PSD3: variants seen among roughly 807,000 people sequenced by gnomAD.
PSD3 encodes PH and SEC7 domain-containing protein 3.
PSD3 carries 49 observed loss-of-function variants against 105.5 expected under a neutral mutation model. The observed-to-expected ratio is 0.46, with a 90% CI of 0.37 to 0.59. The LOEUF (loss-of-function observed/expected upper bound fraction) is 0.59, where lower values mean the gene tolerates loss of function less well. PSD3 is among the 20% of genes least tolerant of loss of function. The pLI is 0.00. For missense variants in PSD3, 1,561 were observed against 1,263.8 expected, an observed-to-expected ratio of 1.24 and a Z score of -3.57; for synonymous variants, 557 against 457.8, an observed-to-expected ratio of 1.22 and a Z score of -2.77.
At chr8:18,870,593 T>C (rs1817264324) in intron 3 of PSD3, among the ~76,000 whole-genome samples, 1 of 151,546 alleles carries the variant, frequency 6.6e-6, no homozygotes, top group South Asian at 2.1e-4. Context: ...GACGGGTTGA[T>C]GGGTGCAGCA....
At chr8:18,801,445 G>C (rs998817083) in intron 6 of PSD3, 63 bp from the exon 7 acceptor site, 3 of 860,748 alleles carry the variant, frequency 3.5e-6, no homozygotes, top group African/African-American at 1.7e-5. Flanking sequence ...CTCTTTCATA[G>C]TTAAAAGTCA....
intron 8 of PSD3, among the ~76,000 whole-genome samples, chr8:18,770,890 G>A (rs1466249906): frequency 6.6e-6 from 1 of 152,200 alleles, no homozygotes; most frequent in Admixed American, 6.5e-5. Context: ...AAAAGAGGTT[G>A]CACAAACAAA....
At chr8:18,905,017 G>C (rs1484952880) in intron 2 of PSD3, among the ~76,000 whole-genome samples, 1 of 152,044 alleles carries the variant, frequency 6.6e-6, no homozygotes, top group East Asian at 1.9e-4. Flanking sequence ...TTAAAATATA[G>C]CAAATACATA....
intron 9 of PSD3, among the ~76,000 whole-genome samples, chr8:18,706,512 T>C (rs909991301): frequency 1.3e-5 from 2 of 152,240 alleles, no homozygotes; most frequent in African/African-American, 4.8e-5. Flanking sequence ...CATTGTTCAC[T>C]ATTTGTCAGC....
intron 8 of PSD3, chr8:18,774,873 C>A: frequency 2.2e-6 from 1 of 456,194 alleles, no homozygotes; most frequent in South Asian, 1.5e-5. Flanking sequence ...CTTAGCAGCT[C>A]CTCTTCCTTC....
Position 19,076,420 on chromosome 8 carries a change from G to A in PSD3, c.324+7786C>T, listed in dbSNP as rs151258934. 4.5e-4 allele frequency among the ~76,000 whole-genome samples: 69 copies of A among 152,058 alleles called. No individual in the cohort carries two copies. The East Asian group carries it at 7.0e-3, about 15-fold the overall frequency. ...GAGATAGGCCAGAACAGAGGAAACC[G>A]AAAAACTACTAAAAATAAAAAAGAG... On this transcript the variant is annotated intron_variant, in intron 1 of 1. Transcript: ENST00000521475.
intron 14 of PSD3, among the ~76,000 whole-genome samples, chr8:18,569,208 T>C (rs898319346): frequency 7.5e-6 from 1 of 133,948 alleles, no homozygotes; most frequent in African/African-American, 2.8e-5. Flanking sequence ...TTATAGTCCT[T>C]TGGGTATATA....
chr8:18,785,085 C>T lies in PSD3; in HGVS notation c.2082+14210G>A, dbSNP rs1056228644. On this transcript the variant is annotated intron_variant, in intron 8 of 15. Coordinates refer to ENST00000327040, the MANE Select transcript of PSD3 (RefSeq NM_015310.4). ...AATAAACAATGCTCCTATCATTCAT[C>T]CAAGGCATCTAGGAACCCTGTGTCA... Among the ~76,000 whole-genome samples the T allele has an allele frequency of 7.2e-5, 11 of 152,224 alleles. No individual in the cohort carries two copies. In the South Asian group the frequency reaches 2.1e-3, roughly 29 times the overall value.
At chr8:18,591,678 A>G (rs990578930) in intron 12 of PSD3, among the ~76,000 whole-genome samples, 1 of 151,876 alleles carries the variant, frequency 6.6e-6, no homozygotes, top group Non-Finnish European at 1.5e-5. Flanking sequence ...CTTGGGAGGG[A>G]GAGAGAGAGG....
chr8:18,970,582 CCTTCT>C (rs1297202387), intron 1 of PSD3, among the ~76,000 whole-genome samples: 1 of 152,064 alleles, frequency 6.6e-6, no homozygotes, highest in African/African-American at 2.4e-5. Flanking sequence ...CGTCCATCTT[CCTTCT>C]CTTAACAGCA....
At chr8:19,035,896 A>T (rs544495702) in intron 1 of PSD3, among the ~76,000 whole-genome samples, 1 of 152,122 alleles carries the variant, frequency 6.6e-6, no homozygotes, top group South Asian at 2.1e-4. Context: ...CTGGGATTGC[A>T]GGTGCATACC....
In PSD3 at chr8:18,640,768, T is replaced by C. The variant is rs1018798144; in HGVS notation, c.2217-7962A>G. Among the ~76,000 whole-genome samples the C allele has an allele frequency of 2.0e-5, 3 of 152,300 alleles. No homozygotes were observed. In the South Asian group the frequency reaches 6.2e-4, roughly 32 times the overall value. On this transcript the variant is annotated intron_variant, in intron 10 of 15. Coordinates refer to ENST00000327040, the MANE Select transcript of PSD3 (RefSeq NM_015310.4). The stretch of plus-strand genomic sequence containing the variant: ...GGCAGAAGAAAGCCCTGTTCTTTCC[T>C]CTCTATTTAGGAAGCAGAACTAATT...
At chr8:18,847,445 G>T (rs1815187622) in intron 4 of PSD3, among the ~76,000 whole-genome samples, 1 of 152,132 alleles carries the variant, frequency 6.6e-6, no homozygotes. Context: ...CTTAATCACT[G>T]GGCAAGCTAT....
intron 2 of PSD3, among the ~76,000 whole-genome samples, chr8:18,930,902 T>A (rs1290145025): frequency 1.3e-5 from 2 of 152,172 alleles, no homozygotes; most frequent in Admixed American, 1.3e-4. Flanking sequence ...CCTTTTACAT[T>A]CCTGCCACCA....
intron 4 of PSD3, among the ~76,000 whole-genome samples, chr8:18,842,688 G>C (rs966156915): frequency 1.3e-5 from 2 of 151,932 alleles, no homozygotes; most frequent in East Asian, 3.9e-4. Flanking sequence ...AGCCGAGATA[G>C]CGCCACCGCA....
rs115359093 is a variant in PSD3 at position 18,640,914 on chromosome 8, G to A, written c.2217-8108C>T. On this transcript the variant is annotated intron_variant, in intron 10 of 15. Coordinates refer to ENST00000327040, the MANE Select transcript of PSD3 (RefSeq NM_015310.4). ...GCCTTACTATGTGGCAAACCCAGTG[G>A]GGCAGAGCTCACCTCTGCTCCTTTA... 1.2e-3 allele frequency among the ~76,000 whole-genome samples: 181 copies of A among 152,218 alleles called. 1 individual carries two copies. Among genetic ancestry groups the A allele is most frequent in the African/African-American group, 3.8e-3 (158 of 41,546 alleles).
At chr8:18,688,064 T>A (rs1800760662) in intron 9 of PSD3, among the ~76,000 whole-genome samples, 1 of 151,978 alleles carries the variant, frequency 6.6e-6, no homozygotes, top group Non-Finnish European at 1.5e-5. Context: ...CCACTACGCT[T>A]GGTCTATTTT....
intron 4 of PSD3, among the ~76,000 whole-genome samples, chr8:18,832,543 T>C (rs990729709): frequency 3.3e-5 from 5 of 152,222 alleles, no homozygotes; most frequent in Admixed American, 2.6e-4. Flanking sequence ...TCAAGCATTA[T>C]CCTCCAACCC....
At chr8:18,644,326 A>G (rs550668623) in intron 10 of PSD3, among the ~76,000 whole-genome samples, 2 of 152,330 alleles carry the variant, frequency 1.3e-5, no homozygotes, top group Non-Finnish European at 2.9e-5. Flanking sequence ...GTATGTGGTT[A>G]AAAGTAGCTA....
Sources: allele counts gnomAD v4.1 joint callset (sites outside exome capture counted in the v4.1 genomes callset), GRCh38; gene constraint gnomAD v4.1.1; transcripts MANE v1.5; gene names NCBI Gene and HGNC (gene_info 2026-07-23, HGNC 2026-07-21).